The following TSPAN9 variants were observed in gnomAD, a reference collection of about 807,000 sequenced individuals.
The protein encoded by TSPAN9 is tetraspanin-9.
In TSPAN9, 16 loss-of-function variants were observed where a neutral mutation model predicts 31.0. The observed-to-expected ratio is 0.52, with a 90% confidence interval of 0.35 to 0.78. The LOEUF (loss-of-function observed/expected upper bound fraction) is 0.78. Ranked by LOEUF, TSPAN9 falls within the 30% of genes least tolerant of loss-of-function variation. The pLI is 0.01. For synonymous variants in TSPAN9, 145 were observed against 121.6 expected (o/e 1.19, Z -1.27); for missense variants, 272 against 312.5 (o/e 0.87, Z 0.98).
chr12:3,230,640 A>G (rs1175381642), intron 3 of TSPAN9, among the ~76,000 whole-genome samples: 3 of 152,104 alleles, frequency 2.0e-5, no homozygotes, highest in Non-Finnish European at 4.4e-5. Context: ...CAGCCCCTGG[A>G]GACCCTGCCT....
intron 3 of TSPAN9, among the ~76,000 whole-genome samples, chr12:3,247,729 C>A (rs922960198): frequency 6.6e-6 from 1 of 152,156 alleles, no homozygotes; most frequent in Non-Finnish European, 1.5e-5. Context: ...GGTGTCTAGC[C>A]CAGCCTCCTC....
intron 3 of TSPAN9, among the ~76,000 whole-genome samples, chr12:3,242,762 ATTGCCCCC>A (rs2098397255): frequency 6.6e-6 from 1 of 152,206 alleles, no homozygotes; most frequent in African/African-American, 2.4e-5. Flanking sequence ...CCTTGGACGC[ATTGCCCCC>A]TCTCAGGGCC....
rs61917906 is a variant in TSPAN9 at position 3,185,560 on chromosome 12, G to A, written c.-17-15617G>A. 3.8e-3 allele frequency among the ~76,000 whole-genome samples: 581 copies of A among 152,316 alleles called. 1 individual carries two copies. Among genetic ancestry groups the A allele is most frequent in the Non-Finnish European group, 6.0e-3 (410 of 68,026 alleles). On this transcript the variant is annotated intron_variant, in intron 2 of 8. Transcript: ENST00000011898. Reference sequence around the variant, plus strand: ...AAGGGGATGACCAGTCTCCCCCTTCGGAGCGCCTCAGGTCAGCACTCCTTA... The same window carrying A: ...AAGGGGATGACCAGTCTCCCCCTTCAGAGCGCCTCAGGTCAGCACTCCTTA...
intron 3 of TSPAN9, among the ~76,000 whole-genome samples, chr12:3,269,901 T>C (rs112809408): frequency 0.014 from 2,121 of 152,342 alleles, 55 homozygotes; most frequent in African/African-American, 0.049. Flanking sequence ...AGATGTGGTT[T>C]TGCCCCGCGT....
intron 2 of TSPAN9, among the ~76,000 whole-genome samples, chr12:3,138,681 A>G (rs1591644058): frequency 1.3e-5 from 2 of 150,578 alleles, no homozygotes; most frequent in African/African-American, 2.4e-5. Context: ...TTTTGTAGAG[A>G]TGGGGTTTCG....
chr12:3,210,232 C>T (rs781087519), intron 3 of TSPAN9, among the ~76,000 whole-genome samples: 1 of 152,098 alleles, frequency 6.6e-6, no homozygotes, highest in Non-Finnish European at 1.5e-5. Flanking sequence ...TGTAATGGCA[C>T]CGTGGAGCTT....
chr12:3,267,028 G>A (rs559935072), intron 3 of TSPAN9, among the ~76,000 whole-genome samples: 1 of 152,186 alleles, frequency 6.6e-6, no homozygotes, highest in Non-Finnish European at 1.5e-5. Context: ...AAGGGCCTCC[G>A]ACCTGCCATG....
At chr12:3,178,259 G>A (rs780442567) in intron 2 of TSPAN9, among the ~76,000 whole-genome samples, 19 of 151,796 alleles carry the variant, frequency 1.3e-4, no homozygotes, top group Admixed American at 5.2e-4. Context: ...AGCTGTGGCC[G>A]GTGACCCATG....
At chr12:3,201,512 A>C (rs1291344515) in intron 3 of TSPAN9, among the ~76,000 whole-genome samples, 1 of 152,106 alleles carries the variant, frequency 6.6e-6, no homozygotes, top group Non-Finnish European at 1.5e-5. Context: ...GGAGGCTGGC[A>C]AAGTTTGGCA....
chr12:3,272,061 T>C (rs901423019), intron 3 of TSPAN9, among the ~76,000 whole-genome samples: 1 of 152,166 alleles, frequency 6.6e-6, no homozygotes, highest in Non-Finnish European at 1.5e-5. Context: ...ATAGAAACAT[T>C]AGGGAGCACT....
intron 3 of TSPAN9, among the ~76,000 whole-genome samples, chr12:3,276,476 C>A (rs1025320288): frequency 6.6e-6 from 1 of 152,220 alleles, no homozygotes; most frequent in Non-Finnish European, 1.5e-5. Flanking sequence ...TGGCCAGGCT[C>A]CTTCCCACTC....
intron 2 of TSPAN9, among the ~76,000 whole-genome samples, chr12:3,115,674 T>C: frequency 6.6e-6 from 1 of 152,184 alleles, no homozygotes; most frequent in Non-Finnish European, 1.5e-5. Context: ...AGGTCCCTTT[T>C]AATTAGGGCA....
chr12:3,208,743 A>T (rs2098376650), intron 3 of TSPAN9, among the ~76,000 whole-genome samples: 1 of 152,216 alleles, frequency 6.6e-6, no homozygotes, highest in Admixed American at 6.5e-5. Context: ...GCCCACTTAG[A>T]AGCCTAGCTT....
At chr12:3,177,395 C>T (rs970568690) in intron 2 of TSPAN9, among the ~76,000 whole-genome samples, 1 of 150,330 alleles carries the variant, frequency 6.7e-6, no homozygotes, top group African/African-American at 2.5e-5. Context: ...CCTCGGCCTC[C>T]CCAAGTGCTG....
intron 2 of TSPAN9, among the ~76,000 whole-genome samples, chr12:3,123,543 TGA>T (rs910814465): frequency 6.6e-6 from 1 of 152,022 alleles, no homozygotes; most frequent in Non-Finnish European, 1.5e-5. Context: ...GAGCTTCAGA[TGA>T]GAGAGACAGC....
chr12:3,135,986 C>T (rs2153967328), intron 2 of TSPAN9, among the ~76,000 whole-genome samples: 2 of 152,286 alleles, frequency 1.3e-5, no homozygotes, highest in South Asian at 4.1e-4. Flanking sequence ...GGTCCAGAAG[C>T]CGAGACCCAG....
intron 2 of TSPAN9, among the ~76,000 whole-genome samples, chr12:3,137,680 C>T (rs867193656): frequency 6.6e-6 from 1 of 152,212 alleles, no homozygotes; most frequent in African/African-American, 2.4e-5. Flanking sequence ...CCCTGTTGTG[C>T]TCCTGGCAGT....
In TSPAN9 at chr12:3,230,658, A is replaced by G. The variant is rs576635698; in HGVS notation, c.63+29402A>G. Among the ~76,000 whole-genome samples the G allele has an allele frequency of 1.7e-3, 252 of 151,994 alleles. 1 individual carries two copies. Among genetic ancestry groups the G allele is most frequent in the Admixed American group, 4.3e-3 (66 of 15,272 alleles). ...CCCCTGGAGACCCTGCCTCATACCC[A>G]GGGGTTTTCCCCACACTGCTCTGGG... On this transcript the variant is annotated intron_variant, in intron 3 of 8. Transcript: ENST00000011898.
chr12:3,160,525 A>C (rs978156550), intron 2 of TSPAN9, among the ~76,000 whole-genome samples: 3 of 152,264 alleles, frequency 2.0e-5, no homozygotes, highest in African/African-American at 7.2e-5. Context: ...ACTGGTTTCC[A>C]AAGTGGCTAT....
Sources: gnomAD v4.1 joint callset for allele counts (sites outside exome capture counted in the v4.1 genomes callset) on GRCh38, gnomAD v4.1.1 for gene constraint, MANE v1.5 for transcripts, NCBI Gene and HGNC (gene_info 2026-07-23, HGNC 2026-07-21) for gene names.